The following ERBIN variants were observed in gnomAD, a reference collection of about 807,000 sequenced individuals.
ERBIN encodes the protein erbb2 interacting protein.
Under a neutral mutation model 158.4 loss-of-function variants are expected in ERBIN, and 60 were observed. The ratio of observed to expected loss-of-function variants is 0.38; its 90% confidence interval spans 0.31 to 0.47. The LOEUF (loss-of-function observed/expected upper bound fraction) is 0.47, where lower values mean the gene tolerates loss of function less well. ERBIN is among the 20% of genes least tolerant of loss of function. ERBIN has a pLI of 0.99. For missense variants in ERBIN, 1,610 were observed against 1,648.0 expected (o/e 0.98, Z 0.40); for synonymous variants, 594 against 557.2 (o/e 1.07, Z -0.93).
At chr5:66,057,727 G>T (rs2151252836) in intron 21 of ERBIN, among the ~76,000 whole-genome samples, 1 of 122,122 alleles carries the variant, frequency 8.2e-6, no homozygotes, top group South Asian at 2.7e-4. Flanking sequence ...ACAGTCCCCA[G>T]TGTGTGATGT....
chr5:65,977,991 G>A (rs1750217756), intron 1 of ERBIN, among the ~76,000 whole-genome samples: 1 of 152,224 alleles, frequency 6.6e-6, no homozygotes, highest in Middle Eastern at 3.2e-3. Context: ...GAGGGAGCGA[G>A]AAAGCTATTT....
intron 14 of ERBIN, among the ~76,000 whole-genome samples, chr5:66,034,616 T>C (rs958192055): frequency 1.4e-4 from 22 of 152,074 alleles, no homozygotes; most frequent in African/African-American, 5.1e-4. Context: ...CTTTTTTTTT[T>C]TTTTAAGGAA....
chr5:65,983,338 T>G (rs951993720), intron 1 of ERBIN, among the ~76,000 whole-genome samples: 1 of 152,204 alleles, frequency 6.6e-6, no homozygotes, highest in African/African-American at 2.4e-5. Flanking sequence ...TTTATATATA[T>G]TTAGTTTTTG....
chr5:66,054,149 T>G lies in ERBIN; in HGVS notation c.2831T>G (p.Phe944Cys). 1 of 1,614,152 alleles carries G rather than the reference T, an allele frequency of 6.2e-7. No homozygotes were observed. Among genetic ancestry groups the G allele is most frequent in the Non-Finnish European group, 8.5e-7 (1 of 1,180,022 alleles). ...TTAATATCAGGAACAAAGGCAATTT[T>G]CAAGTTTGATTCAAATCATAATCCC... ...SDLISGTKAI[F>C]KFDSNHNPEE... The change falls in exon 21 of 26, where the codon TTC (phenylalanine) becomes TGC (cysteine). Residue 944 changes from phenylalanine to cysteine, a missense_variant. Phe to Cys is a radical substitution (Grantham distance 205). Transcript: ENST00000284037.
chr5:65,928,626 CAGG>C (rs1464395522), intron 1 of ERBIN, among the ~76,000 whole-genome samples: 6 of 151,948 alleles, frequency 3.9e-5, no homozygotes, highest in African/African-American at 9.7e-5. Context: ...TTTTTTTTCT[CAGG>C]AGAAGAGTAG....
rs1265512458 is a variant in ERBIN, at chr5:66,050,435, C to T, written c.1904-348C>T. Among the ~76,000 whole-genome samples, 2 of 15,694 alleles carry T rather than the reference C, an allele frequency of 1.3e-4. 1 individual carries two copies. Among genetic ancestry groups the T allele is most frequent in the Non-Finnish European group, 3.5e-4 (2 of 5,790 alleles). 10.3% of individuals were successfully genotyped at this position (15,694 alleles called of 152,430 possible). A position where few individuals can be genotyped will look rare whatever the true frequency, so the allele number is the denominator to read the frequency against. The stretch of plus-strand genomic sequence containing the variant: ...AATTTTTTTGTATTTTTAGTAGAGA[C>T]GGGGTTTCACCGTTTTAGCCGGGAT... On this transcript the variant is annotated intron_variant, in intron 19 of 25. Transcript: ENST00000284037.
intron 22 of ERBIN, among the ~76,000 whole-genome samples, chr5:66,074,728 C>T (rs966384688): frequency 4.6e-5 from 7 of 151,984 alleles, no homozygotes; most frequent in African/African-American, 1.5e-4. Context: ...TAAGAAAATA[C>T]AAGTGTAGCT....
intron 4 of ERBIN, among the ~76,000 whole-genome samples, chr5:66,005,206 T>C (rs944030354): frequency 1.1e-4 from 16 of 152,038 alleles, no homozygotes; most frequent in Admixed American, 1.0e-3. Context: ...CTGGATATGC[T>C]TGAAGGTGGA....
intron 1 of ERBIN, among the ~76,000 whole-genome samples, chr5:65,986,309 TG>T (rs1751229502): frequency 6.6e-6 from 1 of 152,212 alleles, no homozygotes; most frequent in African/African-American, 2.4e-5. Context: ...GCTCCTACCA[TG>T]GTCTTACTCC....
rs374854088 is a variant in ERBIN at position 66,042,055 on chromosome 5, C to T, written c.1307-1022C>T. ...GGGTATGAGATTTTAAAAGGTTAAG[C>T]AAGCCCCAAATAAGGGCTTAATAAA... On this transcript the variant is annotated intron_variant, in intron 15 of 25. Coordinates refer to ENST00000284037, the MANE Select transcript of ERBIN (RefSeq NM_001253697.2). Among the ~76,000 whole-genome samples, 4 of 152,058 alleles carry T rather than the reference C, an allele frequency of 2.6e-5. No individual in the cohort carries two copies. The East Asian group carries it at 7.7e-4, about 29-fold the overall frequency.
rs752176517 is a variant in ERBIN at position 66,078,493 on chromosome 5, C to T, written c.4202C>T (p.Thr1401Ile). 1 of 1,605,600 alleles carries T rather than the reference C, an allele frequency of 6.2e-7. No individual in the cohort carries two copies. Among genetic ancestry groups the T allele is most frequent in the Non-Finnish European group, 8.5e-7 (1 of 1,177,400 alleles). ...TCCTTGCTAAAAACTTTCCAGAATA[C>T]AGTTGAACTCATCATTGTACGAGAA... Reference protein sequence around the residue: ...AVSLLKTFQNTVELIIVREVS... With the variant: ...AVSLLKTFQNIVELIIVREVS... Residue 1401 changes from threonine (T) to isoleucine (I), a missense_variant, in exon 26 of 26, where the codon ACA becomes ATA. This residue lies in a region of ERBIN where 1,014 missense variants were observed against 936.1 expected (regional missense o/e 1.08). Coordinates refer to ENST00000284037, the MANE Select transcript of ERBIN (RefSeq NM_001253697.2).
intron 1 of ERBIN, among the ~76,000 whole-genome samples, chr5:65,967,625 T>C (rs2150977750): frequency 6.6e-6 from 1 of 152,356 alleles, no homozygotes; most frequent in Admixed American, 6.5e-5. Flanking sequence ...TGTACAATGA[T>C]GAAATTGCCA....
At chr5:66,035,054 C>T (rs1399377150) in intron 14 of ERBIN, among the ~76,000 whole-genome samples, 1 of 152,112 alleles carries the variant, frequency 6.6e-6, no homozygotes, top group Non-Finnish European at 1.5e-5. Flanking sequence ...CCATACTCTG[C>T]TGGTTGTCCT....
chr5:66,043,321 ACT>A, intron 16 of ERBIN, 123 bp downstream of exon 16: 4 of 933,934 alleles, frequency 4.3e-6, no homozygotes, highest in Non-Finnish European at 6.3e-6. Flanking sequence ...TCCTCAAGGC[ACT>A]TGAAGTGTTA....
intron 22 of ERBIN, among the ~76,000 whole-genome samples, chr5:66,074,230 C>G (rs1226024596): frequency 6.6e-6 from 1 of 151,742 alleles, no homozygotes; most frequent in Admixed American, 6.6e-5. Context: ...ACAGAATAAG[C>G]TATTAGCCAC....
chr5:66,051,944 C>A (rs1759072233), intron 20 of ERBIN, among the ~76,000 whole-genome samples: 1 of 150,258 alleles, frequency 6.7e-6, no homozygotes, highest in Non-Finnish European at 1.5e-5. Context: ...TGGTGGAATG[C>A]CTGTAATCCG....
rs151069655 is a variant in ERBIN at position 66,057,072 on chromosome 5, A to C, written c.3633+2121A>C. On this transcript the variant is annotated intron_variant, in intron 21 of 25. Coordinates refer to ENST00000284037, the MANE Select transcript of ERBIN (RefSeq NM_001253697.2). ...ATCTTAAATGGATTCATGTTTTATA[A>C]ACCACATTTTTAAAAGAATTTAAAT... Among the ~76,000 whole-genome samples, 654 of 152,296 alleles carry C rather than the reference A, an allele frequency of 4.3e-3. 5 individuals are homozygous for C. Among genetic ancestry groups the C allele is most frequent in the African/African-American group, 0.015 (631 of 41,566 alleles).
intron 21 of ERBIN, among the ~76,000 whole-genome samples, chr5:66,060,261 T>G (rs1760123729): frequency 6.6e-6 from 1 of 152,216 alleles, no homozygotes; most frequent in Admixed American, 6.5e-5. Flanking sequence ...CCTGGTTTAG[T>G]CTTGGGAGAG....
At chr5:65,976,276 C>T (rs1749841696) in intron 1 of ERBIN, among the ~76,000 whole-genome samples, 1 of 152,136 alleles carries the variant, frequency 6.6e-6, no homozygotes, top group Non-Finnish European at 1.5e-5. Flanking sequence ...GAGTTTGAGA[C>T]CATCTGGCGA....
Sources: allele counts gnomAD v4.1 joint callset (sites outside exome capture counted in the v4.1 genomes callset), GRCh38; gene constraint gnomAD v4.1.1; regional missense constraint gnomAD v4.1.1; transcripts MANE v1.5; gene names NCBI Gene and HGNC (gene_info 2026-07-23, HGNC 2026-07-21).